RAP1GAP2: variants seen among roughly 807,000 people sequenced by gnomAD.
The protein encoded by RAP1GAP2 is RAP1 GTPase activating protein 2, also known as rap1 GTPase-activating protein 2.
Under a neutral mutation model 95.0 loss-of-function variants are expected in RAP1GAP2, and 27 were observed. The ratio of observed to expected loss-of-function variants is 0.28; its 90% CI spans 0.21 to 0.39. The LOEUF (loss-of-function observed/expected upper bound fraction) is 0.39, where lower values mean the gene tolerates loss of function less well. RAP1GAP2 is among the 10% of genes least tolerant of loss of function. RAP1GAP2 has a pLI of 1.00. For synonymous variants in RAP1GAP2, 373 were observed against 380.9 expected, an observed-to-expected ratio of 0.98 and a Z score of 0.24; for missense variants, 771 against 970.0, an observed-to-expected ratio of 0.79 and a Z score of 2.72.
intron 3 of RAP1GAP2, among the ~76,000 whole-genome samples, chr17:2,956,530 G>C (rs1049792329): frequency 2.6e-5 from 4 of 152,216 alleles, no homozygotes; most frequent in Non-Finnish European, 5.9e-5. Context: ...AAGAAGAACC[G>C]AGGACACTGT....
upstream of RAP1GAP2, among the ~76,000 whole-genome samples, chr17:2,773,892 G>A (rs2068444237): frequency 6.6e-6 from 1 of 151,944 alleles, no homozygotes; most frequent in South Asian, 2.1e-4. Flanking sequence ...CGAGTAGCTG[G>A]GATTACAGGT....
intron 2 of RAP1GAP2, among the ~76,000 whole-genome samples, chr17:2,889,889 A>ATATATAT (rs1408426152): frequency 0.015 from 844 of 57,146 alleles, 17 homozygotes; most frequent in Non-Finnish European, 0.021. Flanking sequence ...ATATATATAT[A>ATATATAT]TTTTTTTTTT....
In RAP1GAP2 at chr17:2,798,821, T is replaced by C. The variant is rs557691129; in HGVS notation, c.45-1694T>C. Among the ~76,000 whole-genome samples the C allele has an allele frequency of 2.6e-5, 4 of 152,310 alleles. No individual in the cohort carries two copies. In the East Asian group the frequency reaches 7.7e-4, roughly 29 times the overall value. ...GAACTCTGGTGGGCTGGCTGCTGTG[T>C]AGGCGTGGTTTGAACCAGGGCTGCT... On this transcript the variant is annotated intron_variant, in intron 1 of 24. Transcript: ENST00000254695.
chr17:2,773,870 G>C (rs921268334), upstream of RAP1GAP2, among the ~76,000 whole-genome samples: 2 of 151,868 alleles, frequency 1.3e-5, no homozygotes, highest in African/African-American at 4.8e-5. Flanking sequence ...CAATTCTCCT[G>C]CCTCAGCCTC....
intron 1 of RAP1GAP2, among the ~76,000 whole-genome samples, chr17:2,758,445 T>C (rs892272282): frequency 2.0e-5 from 3 of 152,074 alleles, no homozygotes; most frequent in Non-Finnish European, 4.4e-5. Flanking sequence ...AGTGCTGGGA[T>C]TACAAGTGTG....
At chr17:2,763,183 A>G (rs921685650) in intron 1 of RAP1GAP2, among the ~76,000 whole-genome samples, 11 of 152,194 alleles carry the variant, frequency 7.2e-5, no homozygotes, top group African/African-American at 2.7e-4. Flanking sequence ...TGGACTCGTT[A>G]GTGGGGATCA....
chr17:2,988,779 C>T (rs763355321), intron 11 of RAP1GAP2, among the ~76,000 whole-genome samples: 32 of 152,228 alleles, frequency 2.1e-4, no homozygotes, highest in Admixed American at 5.9e-4. Context: ...AAGAAACTGC[C>T]GGCCGGGCGC....
rs370377518 is a variant in RAP1GAP2, at chr17:2,894,387, G to A, written c.81-10897G>A. Among the ~76,000 whole-genome samples, 30 of 152,256 alleles carry A rather than the reference G, an allele frequency of 2.0e-4. 1 individual carries two copies. The South Asian group carries it at 2.1e-3, about 11-fold the overall frequency. On this transcript the variant is annotated intron_variant, in intron 2 of 24. Coordinates refer to ENST00000254695, the MANE Select transcript of RAP1GAP2 (RefSeq NM_015085.5). ...GGAGCTTGCAGTGAGCCAAGATCGC[G>A]CCACTGCTCTCCAGACTGGGTGACA... is the stretch of plus-strand genomic sequence containing the variant.
chr17:2,800,487 A>G, intron 1 of RAP1GAP2, 28 bp from the exon 2 acceptor site: 1 of 1,609,020 alleles, frequency 6.2e-7, no homozygotes, highest in South Asian at 1.1e-5. Context: ...CTCAGCACTG[A>G]CCGGAGCCCT....
At chr17:3,030,700 A>T (rs561737878) in intron 22 of RAP1GAP2, among the ~76,000 whole-genome samples, 1 of 152,328 alleles carries the variant, frequency 6.6e-6, no homozygotes, top group East Asian at 1.9e-4. Flanking sequence ...GTAAGCTTAT[A>T]TATAATTCAA....
intron 3 of RAP1GAP2, among the ~76,000 whole-genome samples, chr17:2,932,304 A>T (rs991558687): frequency 2.0e-5 from 3 of 151,932 alleles, no homozygotes; most frequent in Non-Finnish European, 4.4e-5. Flanking sequence ...TGGAGCAGTT[A>T]AGGCTGTTAG....
At chr17:2,912,418 C>T (rs1430276097) in intron 3 of RAP1GAP2, among the ~76,000 whole-genome samples, 1 of 152,130 alleles carries the variant, frequency 6.6e-6, no homozygotes, top group Non-Finnish European at 1.5e-5. Flanking sequence ...GAGACTTGCC[C>T]CTCATCAGGG....
rs559338226 is a variant in RAP1GAP2 at position 2,787,814 on chromosome 17, G to A, written c.-14+10536G>A. On this transcript the variant is annotated intron_variant, in intron 1 of 24. Transcript: ENST00000540393. ...AATCTCCTGACCTCGTGATCTGCCCGCCTCGGCCTCCCAAAGTACTGGGAT... is the reference window on the plus strand; with the variant it reads ...AATCTCCTGACCTCGTGATCTGCCCACCTCGGCCTCCCAAAGTACTGGGAT... Among the ~76,000 whole-genome samples the A allele has an allele frequency of 1.8e-4, 27 of 152,200 alleles. No individual in the cohort carries two copies. In the South Asian group the frequency reaches 4.4e-3, roughly 25 times the overall value.
intron 2 of RAP1GAP2, among the ~76,000 whole-genome samples, chr17:2,808,814 T>C (rs1429911823): frequency 6.6e-6 from 1 of 152,096 alleles, no homozygotes; most frequent in East Asian, 1.9e-4. Flanking sequence ...CATGTGGGTG[T>C]GTGCAGATAC....
chr17:2,927,956 A>C (rs1168686768), intron 3 of RAP1GAP2, among the ~76,000 whole-genome samples: 1 of 152,124 alleles, frequency 6.6e-6, no homozygotes, highest in Non-Finnish European at 1.5e-5. Context: ...GCAGGGATGG[A>C]ATATGTGCCT....
chr17:2,832,277 G>A lies in RAP1GAP2; in HGVS notation c.80+31727G>A, dbSNP rs531819012. 7.3e-5 allele frequency among the ~76,000 whole-genome samples: 11 copies of A among 150,544 alleles called. No homozygotes were observed. In the South Asian group the frequency reaches 1.7e-3, roughly 23 times the overall value. The stretch of plus-strand genomic sequence containing the variant: ...ATCAGAACATTAAAGATAAAGTCTC[G>A]GCCGGGCGCGGTGGCTCATGCCTGT... On this transcript the variant is annotated intron_variant, in intron 2 of 24. Transcript: ENST00000254695.
In RAP1GAP2 at chr17:2,998,264, T is replaced by C. The variant is rs1159795719; in HGVS notation, c.1088T>C (p.Ile363Thr). ...RHIGNDIVAI[I>T]FQEENTPFVP... ...ATTGGAAATGACATCGTGGCCATCA[T>C]CTTCCAAGAGGAAAACACGCCGTTT... Residue 363 changes from isoleucine (I) to threonine (T), a missense_variant, in exon 14 of 25, where the codon ATC becomes ACC. Ile to Thr is a moderately conservative substitution (Grantham distance 89). Coordinates refer to ENST00000254695, the MANE Select transcript of RAP1GAP2 (RefSeq NM_015085.5). The C allele has an allele frequency of 6.2e-7, 1 of 1,614,026 alleles. No homozygotes were observed. The highest frequency in any genetic ancestry group is 1.7e-5 in the Admixed American group (1 of 60,016).
chr17:3,030,162 G>A, intron 22 of RAP1GAP2, among the ~76,000 whole-genome samples: 2 of 112,828 alleles, frequency 1.8e-5, no homozygotes, highest in African/African-American at 3.4e-5. Flanking sequence ...ATATACATAT[G>A]TATAATATAT....
intron 3 of RAP1GAP2, among the ~76,000 whole-genome samples, chr17:2,921,715 A>ACAGGGCCGTTAAGATGTCCG (rs2042782623): frequency 1.3e-5 from 2 of 149,540 alleles, no homozygotes; most frequent in African/African-American, 5.0e-5. Flanking sequence ...TTATGTGTCC[A>ACAGGGCCGTTAAGATGTCCG]CAGGGCCGTT....
Sources: gnomAD v4.1 joint callset for allele counts (sites outside exome capture counted in the v4.1 genomes callset) on GRCh38, gnomAD v4.1.1 for gene constraint, MANE v1.5 for transcripts, NCBI Gene and HGNC (gene_info 2026-07-23, HGNC 2026-07-21) for gene names.